Variants in FUT8 observed in about 807,000 individuals in gnomAD.
FUT8 encodes alpha-(1,6)-fucosyltransferase.
A neutral mutation model predicts 71.3 loss-of-function variants in FUT8; 29 were observed. The observed-to-expected ratio is 0.41, with a 90% CI of 0.30 to 0.55. FUT8 has a LOEUF of 0.55. Among genes scored for constraint, FUT8 ranks in the 20% least tolerant of loss-of-function variants. The probability of loss-of-function intolerance (pLI) is 0.34; values close to 1 mark genes in which losing one functional copy is unlikely to be tolerated. For missense variants in FUT8, 544 were observed against 702.1 expected, an observed-to-expected ratio of 0.77 and a Z score of 2.55; for synonymous variants, 254 against 239.3, an observed-to-expected ratio of 1.06 and a Z score of -0.57.
At chr14:65,383,477 G>A in the FUT8 span, among the ~76,000 whole-genome samples, 1 of 151,992 alleles carries the variant, frequency 6.6e-6, no homozygotes, top group Non-Finnish European at 1.5e-5. Flanking sequence ...GTTTCACCAT[G>A]TTGGCCAGGC....
chr14:65,524,722 G>C (rs1183018458), intron 2 of FUT8, among the ~76,000 whole-genome samples: 1 of 152,106 alleles, frequency 6.6e-6, no homozygotes, highest in Non-Finnish European at 1.5e-5. Context: ...GTCATAAATA[G>C]CTCTTAGTAT....
At chr14:65,539,820 T>A (rs946426426) in intron 2 of FUT8, among the ~76,000 whole-genome samples, 5 of 152,228 alleles carry the variant, frequency 3.3e-5, no homozygotes, top group Non-Finnish European at 7.3e-5. Context: ...GTCTGTGGAA[T>A]AAGTATGGAT....
chr14:65,542,844 G>A (rs936851725), intron 2 of FUT8, among the ~76,000 whole-genome samples: 1 of 151,966 alleles, frequency 6.6e-6, no homozygotes, highest in African/African-American at 2.4e-5. Context: ...GTGCAATGGC[G>A]CGATATTGGC....
At position 65,627,003 on chromosome 14, in the gene FUT8, C is replaced by G. The variant is rs899174829; in HGVS notation, c.483-2489C>G. Among the ~76,000 whole-genome samples, 24 of 152,182 alleles carry G rather than the reference C, an allele frequency of 1.6e-4. No homozygotes were observed. Among genetic ancestry groups the G allele is most frequent in the Non-Finnish European group, 4.4e-5 (3 of 68,040 alleles). On this transcript the variant is annotated intron_variant, in intron 5 of 10. Transcript: ENST00000673929. The surrounding 1 kb of genome is among the most constrained non-coding windows in gnomAD (Gnocchi z 4.0). ...AAAAGATAAAAATTATCACCGTTAT[C>G]TCATTATATAAACTCTTGAAGGTTT...
At chr14:65,646,442 T>C (rs934498216) in intron 6 of FUT8, 2 of 152,258 alleles carry the variant, frequency 1.3e-5, no homozygotes, top group Non-Finnish European at 2.9e-5. Flanking sequence ...AATTTTGTTT[T>C]AATTTAATAC....
At chr14:65,613,081 A>C (rs549153122) in intron 3 of FUT8, among the ~76,000 whole-genome samples, 6 of 151,962 alleles carry the variant, frequency 3.9e-5, no homozygotes, top group African/African-American at 1.4e-4. Context: ...ATTATTAGGC[A>C]ATATGGATTA....
chr14:65,403,123 T>C, the FUT8 span, among the ~76,000 whole-genome samples: 1 of 152,326 alleles, frequency 6.6e-6, no homozygotes, highest in African/African-American at 2.4e-5. Flanking sequence ...CTTGCTTTAG[T>C]TTAGGATTTT....
chr14:65,552,351 C>T (rs908931962), intron 2 of FUT8, among the ~76,000 whole-genome samples: 23 of 151,922 alleles, frequency 1.5e-4, no homozygotes, highest in Non-Finnish European at 1.5e-5. Context: ...ATCCTCAATG[C>T]CTGGGATATG....
In FUT8 at chr14:65,603,986, G is replaced by C. The variant is rs555576328; in HGVS notation, c.204-11992G>C. On this transcript the variant is annotated intron_variant, in intron 3 of 10. Transcript: ENST00000673929. This position sits in a 1 kb window ranked among gnomAD's most constrained non-coding sequence, Gnocchi z 4.5. ...ACATCAGACAAAACAAAAAACAACAGCAACTAAAAAAGACAAAAGGCCTTG... is the reference window on the plus strand; with the variant it reads ...ACATCAGACAAAACAAAAAACAACACCAACTAAAAAAGACAAAAGGCCTTG... Among the ~76,000 whole-genome samples, 1 of 151,564 alleles carries C rather than the reference G, an allele frequency of 6.6e-6. No individual in the cohort carries two copies. Among genetic ancestry groups the C allele is most frequent in the African/African-American group, 2.4e-5 (1 of 41,318 alleles).
At chr14:65,404,512 T>C in the FUT8 span, among the ~76,000 whole-genome samples, 22 of 150,272 alleles carry the variant, frequency 1.5e-4, no homozygotes, top group African/African-American at 5.4e-4. Context: ...AGTCTTGCTC[T>C]GTCGCCAGGC....
intron 7 of FUT8, among the ~76,000 whole-genome samples, chr14:65,706,122 G>A (rs573221244): frequency 8.2e-4 from 125 of 152,300 alleles, no homozygotes; most frequent in Non-Finnish European, 1.6e-3. Flanking sequence ...AACTTAATGA[G>A]TAAGATACTA....
chr14:65,468,879 T>G (rs1047614505), intron 2 of FUT8, among the ~76,000 whole-genome samples: 1 of 152,144 alleles, frequency 6.6e-6, no homozygotes, highest in Non-Finnish European at 1.5e-5. Flanking sequence ...CTCGCTGCAG[T>G]CTTGAACTCC....
At position 65,542,738 on chromosome 14, in the gene FUT8, A is replaced by G. The variant is rs539757549; in HGVS notation, c.-227-18599A>G. On this transcript the variant is annotated intron_variant, in intron 2 of 10. Transcript: ENST00000673929. Reference sequence around the variant, plus strand: ...GTTCTTTAGAAACTGTTCCCTGGAAAGATTGTTAATGTTTATTCATTATTT... The same window carrying G: ...GTTCTTTAGAAACTGTTCCCTGGAAGGATTGTTAATGTTTATTCATTATTT... Among the ~76,000 whole-genome samples the G allele has an allele frequency of 2.6e-5, 4 of 152,310 alleles. No individual in the cohort carries two copies. In the South Asian group the frequency reaches 8.3e-4, roughly 32 times the overall value.
intron 3 of FUT8, among the ~76,000 whole-genome samples, chr14:65,570,856 G>A (rs909761657): frequency 5.3e-5 from 8 of 152,110 alleles, no homozygotes; most frequent in Non-Finnish European, 8.8e-5. Flanking sequence ...CCTGACTTAG[G>A]AGTATGCGCC....
chr14:65,499,191 A>G (rs1566786285), intron 2 of FUT8, among the ~76,000 whole-genome samples: 1 of 152,232 alleles, frequency 6.6e-6, no homozygotes, highest in Non-Finnish European at 1.5e-5. Flanking sequence ...CTGGGACTAC[A>G]GACACACACA....
chr14:65,637,866 G>T (rs1201397111), intron 6 of FUT8, among the ~76,000 whole-genome samples: 2 of 152,146 alleles, frequency 1.3e-5, no homozygotes, highest in African/African-American at 4.8e-5. Flanking sequence ...CCAAATAGGA[G>T]AGGTAAAGCT....
Position 65,424,133 on chromosome 14 carries a change from C to T in FUT8, c.-326+10919C>T, listed in dbSNP as rs1026640609. 6.6e-5 allele frequency among the ~76,000 whole-genome samples: 10 copies of T among 152,138 alleles called. No homozygotes were observed. The South Asian group carries it at 8.3e-4, about 13-fold the overall frequency. On this transcript the variant is annotated intron_variant, in intron 1 of 10. Transcript: ENST00000673929. ...AGTATCGTACTAAACATAATGAAAC[C>T]GCGAGAGATCACTTTTTACTGGAAT...
Position 65,743,636 on chromosome 14 carries a change from C to T in FUT8, c.*1226C>T, listed in dbSNP as rs1177147019. ...AGCTGGCTGTTTCAGAAGTATATGT[C>T]TCATAGTGTGCAGAACTTGGTGACC... is the stretch of plus-strand genomic sequence containing the variant. On this transcript the variant is annotated 3_prime_UTR_variant, in exon 11 of 11. Transcript: ENST00000673929. The T allele has an allele frequency of 1.3e-5, 2 of 151,806 alleles. No homozygotes were observed. Among genetic ancestry groups the T allele is most frequent in the Admixed American group, 1.3e-4 (2 of 15,214 alleles). 9.4% of individuals were successfully genotyped at this position (151,806 alleles called of 1,614,324 possible).
At chr14:65,431,709 C>T (rs1364684530) in intron 1 of FUT8, among the ~76,000 whole-genome samples, 1 of 148,358 alleles carries the variant, frequency 6.7e-6, no homozygotes, top group Admixed American at 6.7e-5. Flanking sequence ...ACAGAAGCTT[C>T]TTCAGCTTTG....
Sources: gnomAD v4.1 joint callset for allele counts (sites outside exome capture counted in the v4.1 genomes callset) on GRCh38, gnomAD v4.1.1 for gene constraint, Gnocchi (gnomAD v3.1) non-coding constraint, MANE v1.5 for transcripts, NCBI Gene and HGNC (gene_info 2026-07-23, HGNC 2026-07-21) for gene names.